SCAMP2: variants seen among roughly 807,000 people sequenced by gnomAD.
SCAMP2 encodes secretory carrier membrane protein 2.
Under a neutral mutation model 44.1 loss-of-function variants are expected in SCAMP2, and 25 were observed. That is an observed-to-expected ratio of 0.57 (90% CI 0.41 to 0.79). SCAMP2 has a LOEUF of 0.79. Ranked by LOEUF, SCAMP2 falls within the 30% of genes least tolerant of loss-of-function variation. The pLI, the probability that SCAMP2 is intolerant of heterozygous loss-of-function variation, is 0.00. For synonymous variants in SCAMP2, 156 were observed against 166.0 expected, an observed-to-expected ratio of 0.94 and a Z score of 0.46; for missense variants, 355 against 411.0, an observed-to-expected ratio of 0.86 and a Z score of 1.18.
At chr15:74,854,336 C>T (rs2064454326) in intron 2 of SCAMP2, among the ~76,000 whole-genome samples, 1 of 152,240 alleles carries the variant, frequency 6.6e-6, no homozygotes, top group Non-Finnish European at 1.5e-5. Context: ...GGGTCCAGCA[C>T]ACTTGGGCAC....
intron 1 of SCAMP2, among the ~76,000 whole-genome samples, chr15:74,862,577 A>G (rs2064514309): frequency 6.6e-6 from 1 of 152,056 alleles, no homozygotes; most frequent in African/African-American, 2.4e-5. Flanking sequence ...CTCCATCTCA[A>G]TAAATAAATA....
In SCAMP2 at chr15:74,873,314, C is replaced by T. The variant is rs1054316652; in HGVS notation, c.-59G>A. 2.8e-6 allele frequency: 4 copies of T among 1,442,784 alleles called. No individual in the cohort carries two copies. Among genetic ancestry groups the T allele is most frequent in the Non-Finnish European group, 2.7e-6 (3 of 1,095,876 alleles). The allele number at this position is 1,442,784 out of a possible 1,614,324, so 89.4% of individuals were successfully genotyped here. A position where few individuals can be genotyped will look rare whatever the true frequency, so the allele number is the denominator to read the frequency against. On this transcript the variant is annotated 5_prime_UTR_variant, in exon 1 of 9. Coordinates refer to ENST00000268099, the MANE Select transcript of SCAMP2 (RefSeq NM_005697.5). ...CGCTGCTGCCTCCGGGCACCCAGAC[C>T]CAGCGGCGCTTCGTGTAGACCCTCC...
At chr15:74,868,287 A>C (rs950719507) in intron 1 of SCAMP2, among the ~76,000 whole-genome samples, 2 of 152,186 alleles carry the variant, frequency 1.3e-5, no homozygotes, top group African/African-American at 4.8e-5. Context: ...CCCGATCATA[A>C]CCACACGCAA....
At chr15:74,866,287 C>T (rs2064543722) in intron 1 of SCAMP2, among the ~76,000 whole-genome samples, 2 of 151,568 alleles carry the variant, frequency 1.3e-5, no homozygotes, top group Admixed American at 1.3e-4. Context: ...CTCATGACTC[C>T]CTAAGAGACC....
intron 1 of SCAMP2, among the ~76,000 whole-genome samples, chr15:74,870,307 G>C (rs1273299163): frequency 6.6e-6 from 1 of 152,210 alleles, no homozygotes; most frequent in Non-Finnish European, 1.5e-5. Context: ...TATTAATACA[G>C]GGTAGAACTA....
chr15:74,867,307 C>A (rs958316242), intron 1 of SCAMP2, among the ~76,000 whole-genome samples: 40 of 152,238 alleles, frequency 2.6e-4, no homozygotes, highest in Non-Finnish European at 2.5e-4. Flanking sequence ...CCTTGTTTGT[C>A]CTGGTTAAAT....
intron 4 of SCAMP2, chr15:74,851,866 G>A (rs1957506677): frequency 6.4e-6 from 3 of 471,230 alleles, no homozygotes; most frequent in South Asian, 4.4e-5. Flanking sequence ...GAGTGCAGAA[G>A]TAATCTACAG....
intron 5 of SCAMP2, 23 bp downstream of exon 5, chr15:74,851,330 T>C (rs1277053904): frequency 6.2e-7 from 1 of 1,610,236 alleles, no homozygotes; most frequent in Admixed American, 1.7e-5. Flanking sequence ...CCCTTGCGCT[T>C]GGAAGGCAGG....
intron 7 of SCAMP2, 25 bp from the exon 8 acceptor site, chr15:74,845,618 G>C: frequency 6.2e-7 from 1 of 1,612,934 alleles, no homozygotes; most frequent in Non-Finnish European, 8.5e-7. Flanking sequence ...AGAGGCCAGA[G>C]GGAGCAAAGT....
intron 1 of SCAMP2, among the ~76,000 whole-genome samples, chr15:74,869,547 C>T (rs890485435): frequency 1.3e-5 from 2 of 152,156 alleles, no homozygotes; most frequent in Non-Finnish European, 2.9e-5. Context: ...AGCTTCAAAA[C>T]CTTTAAAACA....
At chr15:74,867,295 C>T (rs928836017) in intron 1 of SCAMP2, among the ~76,000 whole-genome samples, 1 of 152,228 alleles carries the variant, frequency 6.6e-6, no homozygotes, top group Non-Finnish European at 1.5e-5. Flanking sequence ...ACAGCAAGTA[C>T]CCCTTGTTTG....
At chr15:74,869,166 CAAAG>C (rs1046910270) in intron 1 of SCAMP2, among the ~76,000 whole-genome samples, 4 of 151,974 alleles carry the variant, frequency 2.6e-5, no homozygotes, top group Non-Finnish European at 5.9e-5. Flanking sequence ...AAAACATAAA[CAAAG>C]AAACAAAAAC....
chr15:74,850,762 T>A, intron 5 of SCAMP2, 89 bp from the exon 6 acceptor site: 1 of 1,401,730 alleles, frequency 7.1e-7, no homozygotes. Context: ...AGAGGTGAGG[T>A]TCATGCTGCG....
At chr15:74,868,631 C>A (rs1348647866) in intron 1 of SCAMP2, among the ~76,000 whole-genome samples, 3 of 152,326 alleles carry the variant, frequency 2.0e-5, no homozygotes, top group South Asian at 4.1e-4. Context: ...CAACCTCCAC[C>A]TCCCAGGCTC....
Position 74,861,713 on chromosome 15 carries a change from A to G in SCAMP2, c.58-7064T>C, listed in dbSNP as rs532900412. On this transcript the variant is annotated intron_variant, in intron 1 of 8. Transcript: ENST00000268099. ...GGAGATCGAGACCATCCTGGCTAAC[A>G]CGGTGAAACCCTGTCTCTACTAAAA... is the stretch of plus-strand genomic sequence containing the variant. Among the ~76,000 whole-genome samples the G allele has an allele frequency of 9.2e-5, 14 of 152,114 alleles. No individual in the cohort carries two copies. In the South Asian group the frequency reaches 2.9e-3, roughly 32 times the overall value.
chr15:74,846,682 G>A (rs543521408), intron 7 of SCAMP2, among the ~76,000 whole-genome samples: 7 of 152,248 alleles, frequency 4.6e-5, no homozygotes, highest in Admixed American at 1.3e-4. Context: ...GGAGAATGGC[G>A]TGAACCTGGG....
At chr15:74,846,059 G>A (rs1215115796) in intron 7 of SCAMP2, among the ~76,000 whole-genome samples, 1 of 152,162 alleles carries the variant, frequency 6.6e-6, no homozygotes, top group East Asian at 1.9e-4. Flanking sequence ...AAGGAAGGCA[G>A]ATCACTTGAG....
chr15:74,871,461 GAAGA>G (rs1465338818), intron 1 of SCAMP2, among the ~76,000 whole-genome samples: 2 of 151,494 alleles, frequency 1.3e-5, no homozygotes, highest in Admixed American at 6.6e-5. Context: ...CTTAAAAAAG[GAAGA>G]AAGAGGGCTG....
intron 1 of SCAMP2, among the ~76,000 whole-genome samples, chr15:74,859,138 G>T (rs1430538316): frequency 6.6e-6 from 1 of 152,026 alleles, no homozygotes; most frequent in African/African-American, 2.4e-5. Flanking sequence ...CAAGTAGGAT[G>T]GTGAGGGCTA....
Sources: gnomAD v4.1 joint callset for allele counts (sites outside exome capture counted in the v4.1 genomes callset) on GRCh38, gnomAD v4.1.1 for gene constraint, MANE v1.5 for transcripts, NCBI Gene and HGNC (gene_info 2026-07-23, HGNC 2026-07-21) for gene names.